Variants in ZNF277 observed in about 807,000 individuals in gnomAD.
ZNF277 encodes the protein zinc finger protein 277.
ZNF277 carries 55 observed loss-of-function variants against 60.7 expected under a neutral mutation model. The ratio of observed to expected loss-of-function variants is 0.91; its 90% CI spans 0.73 to 1.13. ZNF277 has a LOEUF of 1.13. ZNF277 is among the 50% of genes most tolerant of loss of function. The pLI is 0.00. For missense variants in ZNF277, 510 were observed against 523.0 expected (o/e 0.98, Z 0.24); for synonymous variants, 178 against 179.3 (o/e 0.99, Z 0.06).
chr7:112,310,847 C>A (rs935927390), intron 4 of ZNF277, among the ~76,000 whole-genome samples: 1 of 152,022 alleles, frequency 6.6e-6, no homozygotes, highest in Non-Finnish European at 1.5e-5. Context: ...GGGAAGGAAC[C>A]TGAGGAGTGT....
At chr7:112,249,610 G>C (rs1044964282) in intron 1 of ZNF277, among the ~76,000 whole-genome samples, 2 of 152,164 alleles carry the variant, frequency 1.3e-5, no homozygotes, top group African/African-American at 4.8e-5. Flanking sequence ...TGAGTATTGC[G>C]GGAAGTCAGG....
chr7:112,267,246 A>C (rs1166261441), intron 1 of ZNF277, among the ~76,000 whole-genome samples: 4 of 152,172 alleles, frequency 2.6e-5, no homozygotes, highest in Admixed American at 2.6e-4. Flanking sequence ...TTGTTCCCTT[A>C]GCTTATTTTA....
rs1010824397 is a variant in ZNF277, at chr7:112,278,567, A to G, written c.92-8306A>G. On this transcript the variant is annotated intron_variant, in intron 1 of 11. Transcript: ENST00000361822. ...TTAATTTCTTTGTTTAACACTTAGAACAACTCTGTCGGGTGGAACACTCTA... is the reference window on the plus strand; with the variant it reads ...TTAATTTCTTTGTTTAACACTTAGAGCAACTCTGTCGGGTGGAACACTCTA... Among the ~76,000 whole-genome samples the G allele has an allele frequency of 3.9e-5, 6 of 152,286 alleles. 2 individuals carry two copies.
chr7:112,303,123 A>G (rs567000293), intron 4 of ZNF277, among the ~76,000 whole-genome samples: 5 of 151,582 alleles, frequency 3.3e-5, no homozygotes, highest in African/African-American at 1.2e-4. Flanking sequence ...GCTAATTTTT[A>G]TATTTTTAGT....
At position 112,287,016 on chromosome 7, in the gene ZNF277, A is replaced by T; in HGVS notation, c.235A>T (p.Met79Leu). Residue 79 changes from methionine to leucine, a missense_variant, in exon 2 of 12, where the codon ATG becomes TTG. Transcript: ENST00000361822. The part of the protein sequence containing the change: ...VAEQDKLLKH[M>L]IIEHKIVIAD... Reference sequence around the variant, plus strand: ...TGAACAAGACAAACTTCTGAAGCACATGATTATTGAGCATAAGATTGTCAT... The same window carrying T: ...TGAACAAGACAAACTTCTGAAGCACTTGATTATTGAGCATAAGATTGTCAT... 1 of 1,614,118 alleles carries T rather than the reference A, an allele frequency of 6.2e-7. No homozygotes were observed. Among genetic ancestry groups the T allele is most frequent in the Non-Finnish European group, 8.5e-7 (1 of 1,180,018 alleles).
intron 1 of ZNF277, among the ~76,000 whole-genome samples, chr7:112,269,240 G>A (rs964979812): frequency 2.0e-5 from 3 of 148,668 alleles, no homozygotes; most frequent in Non-Finnish European, 4.5e-5. Flanking sequence ...ACAATTTGCT[G>A]TAAATAAAAG....
intron 1 of ZNF277, among the ~76,000 whole-genome samples, chr7:112,218,619 T>G (rs988183576): frequency 6.6e-6 from 1 of 152,196 alleles, no homozygotes; most frequent in African/African-American, 2.4e-5. Context: ...CTCTCCAATC[T>G]TCCCCTCCCC....
rs1792294943 is a variant in ZNF277, at chr7:112,295,113, ACT to A, written c.294-751_294-750del. 3.3e-5 allele frequency among the ~76,000 whole-genome samples: 5 copies of A among 152,042 alleles called. No homozygotes were observed. In the South Asian group the frequency reaches 1.0e-3, roughly 32 times the overall value. The stretch of plus-strand genomic sequence containing the variant: ...CTTTTCCTCTCTCTATGAAGATAAC[ACT>A]CTCTTCTTGGTACCATTCAATAAAT... On this transcript the variant is annotated intron_variant, in intron 2 of 11. Transcript: ENST00000361822.
chr7:112,342,523 T>G (rs368573363), intron 11 of ZNF277, 38 bp from the exon 12 acceptor site: 19 of 1,519,634 alleles, frequency 1.3e-5, no homozygotes, highest in African/African-American at 2.8e-5. Context: ...CTGTATTAGC[T>G]TGGTAATTTA....
intron 7 of ZNF277, 171 bp downstream of exon 7, chr7:112,330,387 T>TCAAA: frequency 1.6e-6 from 1 of 641,822 alleles, no homozygotes; most frequent in East Asian, 2.7e-5. Flanking sequence ...GACATTTGAT[T>TCAAA]TGACTTGTCT....
At chr7:112,257,476 T>C (rs550560717) in intron 1 of ZNF277, among the ~76,000 whole-genome samples, 2 of 152,286 alleles carry the variant, frequency 1.3e-5, no homozygotes, top group Non-Finnish European at 2.9e-5. Flanking sequence ...ACTCAGAGCC[T>C]GCAAGGGACC....
chr7:112,301,082 C>T (rs1792460705), intron 4 of ZNF277, among the ~76,000 whole-genome samples: 1 of 151,850 alleles, frequency 6.6e-6, no homozygotes, highest in Non-Finnish European at 1.5e-5. Flanking sequence ...TAACATAAAT[C>T]ACTTTATTCT....
In ZNF277 at chr7:112,206,697, C is replaced by T. The variant is rs367618830; in HGVS notation, c.-20C>T. The stretch of plus-strand genomic sequence containing the variant: ...CCTCCGACCCGCCCTGCGGCCCTCC[C>T]TTTTCTTTTCTGCCGGGTAATGGCT... On this transcript the variant is annotated 5_prime_UTR_variant, in exon 1 of 12. Coordinates refer to ENST00000361822, the MANE Select transcript of ZNF277 (RefSeq NM_021994.3). 6 of 1,611,960 alleles carry T rather than the reference C, an allele frequency of 3.7e-6. No individual in the cohort carries two copies. Among genetic ancestry groups the T allele is most frequent in the East Asian group, 2.2e-5 (1 of 44,766 alleles).
chr7:112,296,941 T>A (rs10273096), intron 4 of ZNF277, among the ~76,000 whole-genome samples: 6,985 of 116,320 alleles, frequency 0.06, 792 homozygotes, highest in African/African-American at 0.19. Context: ...TTTTTTTTTT[T>A]TTTTGAGATG....
intron 2 of ZNF277, among the ~76,000 whole-genome samples, chr7:112,292,612 G>A (rs995035657): frequency 2.0e-5 from 3 of 152,068 alleles, no homozygotes; most frequent in South Asian, 2.1e-4. Flanking sequence ...TTCTTGTACC[G>A]ATTCGTCCCC....
chr7:112,242,886 G>C (rs1394040668), intron 1 of ZNF277, among the ~76,000 whole-genome samples: 1 of 152,000 alleles, frequency 6.6e-6, no homozygotes, highest in Admixed American at 6.6e-5. Flanking sequence ...AAAGGACAAA[G>C]CTGGAAATAT....
intron 1 of ZNF277, among the ~76,000 whole-genome samples, chr7:112,235,650 A>G (rs965273858): frequency 6.6e-6 from 1 of 152,002 alleles, no homozygotes; most frequent in Non-Finnish European, 1.5e-5. Flanking sequence ...TACATTCTGG[A>G]TACAAGTCCT....
intron 1 of ZNF277, among the ~76,000 whole-genome samples, chr7:112,239,053 C>T (rs1184817727): frequency 6.6e-6 from 1 of 152,104 alleles, no homozygotes; most frequent in Non-Finnish European, 1.5e-5. Context: ...AATAGCCAGG[C>T]ACTACTCACC....
chr7:112,312,713 A>G, intron 4 of ZNF277, among the ~76,000 whole-genome samples: 1 of 152,128 alleles, frequency 6.6e-6, no homozygotes, highest in Non-Finnish European at 1.5e-5. Flanking sequence ...TGTGTTGGTG[A>G]AATTTTTCAT....
Sources: gnomAD v4.1 joint callset for allele counts (sites outside exome capture counted in the v4.1 genomes callset) on GRCh38, gnomAD v4.1.1 for gene constraint, MANE v1.5 for transcripts, NCBI Gene and HGNC (gene_info 2026-07-23, HGNC 2026-07-21) for gene names.